IFT74: variants seen among roughly 807,000 people sequenced by gnomAD.
The protein encoded by IFT74 is intraflagellar transport 74.
A neutral mutation model predicts 96.7 loss-of-function variants in IFT74; 92 were observed. That is an observed-to-expected ratio of 0.95 (90% CI 0.80 to 1.13). The LOEUF (loss-of-function observed/expected upper bound fraction) is 1.13. IFT74 is among the 50% of genes most tolerant of loss of function. IFT74 has a pLI of 0.00. For missense variants in IFT74, 811 were observed against 698.2 expected, an observed-to-expected ratio of 1.16 and a Z score of -1.82; for synonymous variants, 223 against 213.2, an observed-to-expected ratio of 1.05 and a Z score of -0.40.
chr9:26,949,805 A>G (rs1825875407), intron 1 of IFT74, among the ~76,000 whole-genome samples: 1 of 152,162 alleles, frequency 6.6e-6, no homozygotes, highest in Non-Finnish European at 1.5e-5. Context: ...GTGTGTCAGA[A>G]CTATCTTCGT....
In IFT74 at chr9:27,061,562, A is replaced by G. The variant is rs140616055; in HGVS notation, c.1684+911A>G. On this transcript the variant is annotated intron_variant, in intron 19 of 19. Transcript: ENST00000380062. The stretch of plus-strand genomic sequence containing the variant: ...AGTGCTGGGATTAGAGACATGAGCC[A>G]CTGCTCTCGGCCCCAGAATTGTATC... Among the ~76,000 whole-genome samples, 358 of 152,020 alleles carry G rather than the reference A, an allele frequency of 2.4e-3. 3 individuals are homozygous for G. Among genetic ancestry groups the G allele is most frequent in the African/African-American group, 8.3e-3 (346 of 41,470 alleles).
At chr9:27,036,673 T>G (rs972363561) in intron 13 of IFT74, 4 of 1,341,216 alleles carry the variant, frequency 3.0e-6, no homozygotes, top group Non-Finnish European at 2.9e-6. Flanking sequence ...TGTTCACTCT[T>G]TGCTTCTGTG....
At chr9:26,971,311 A>G (rs940933985) in intron 2 of IFT74, among the ~76,000 whole-genome samples, 1 of 152,056 alleles carries the variant, frequency 6.6e-6, no homozygotes, top group African/African-American at 2.4e-5. Flanking sequence ...TTTTTTTTAT[A>G]TATTAAGCAA....
intron 10 of IFT74, among the ~76,000 whole-genome samples, chr9:27,012,708 G>GTGTTTT (rs1829144413): frequency 9.3e-5 from 5 of 53,866 alleles, no homozygotes; most frequent in African/African-American, 4.1e-4. Context: ...AAAAATGTCT[G>GTGTTTT]TTTTTTTTTT....
At chr9:27,019,565 A>T (rs1190545842) in intron 12 of IFT74, among the ~76,000 whole-genome samples, 1 of 151,518 alleles carries the variant, frequency 6.6e-6, no homozygotes, top group African/African-American at 2.4e-5. Context: ...AATTAATAAA[A>T]TACTAAGCAT....
chr9:26,976,576 A>G (rs535784240), intron 2 of IFT74: 8 of 355,134 alleles, frequency 2.3e-5, no homozygotes, highest in East Asian at 1.5e-4. Flanking sequence ...GGGGTCATCT[A>G]CAGAGGACTA....
intron 1 of IFT74, 41 bp downstream of exon 1, chr9:26,956,557 A>G (rs530408806): frequency 6.6e-6 from 1 of 152,386 alleles, no homozygotes; most frequent in South Asian, 2.1e-4. Flanking sequence ...CCTCCCTCCC[A>G]CGTCTGTTCT....
In IFT74 at chr9:26,984,309, G is replaced by T. The variant is rs1391036863; in HGVS notation, c.358G>T (p.Glu120Ter). The T allele has an allele frequency of 3.8e-6, 6 of 1,582,776 alleles. No individual in the cohort carries two copies. The highest frequency in any genetic ancestry group is 3.7e-5 in the Admixed American group (2 of 54,524). Residue 120 changes from glutamate (E) to a stop codon, truncating the protein, a stop_gained, in exon 5 of 20, where the codon GAA (glutamate) becomes TAA (stop). Coordinates refer to ENST00000380062, the MANE Select transcript of IFT74 (RefSeq NM_025103.4). LOFTEE classifies it high-confidence loss of function. ...TEVNKLQKGI[E>*]MYNQENSVYL... Reference sequence around the variant, plus strand: ...AGTTAATAAACTTCAGAAGGGAATAGAAATGTACAATCAAGAGAATTCAGT... The same window carrying T: ...AGTTAATAAACTTCAGAAGGGAATATAAATGTACAATCAAGAGAATTCAGT...
intron 3 of IFT74, among the ~76,000 whole-genome samples, chr9:26,980,003 C>T (rs1157989400): frequency 6.6e-6 from 1 of 152,096 alleles, no homozygotes; most frequent in Non-Finnish European, 1.5e-5. Context: ...GTGTGAGCCA[C>T]CGTGCCCGGC....
intron 16 of IFT74, among the ~76,000 whole-genome samples, chr9:27,055,226 A>AAT (rs201976204): frequency 0.019 from 2,853 of 152,174 alleles, 89 homozygotes; most frequent in African/African-American, 0.064. Flanking sequence ...ATTGTGCTCA[A>AAT]ATATATATAT....
intron 8 of IFT74, among the ~76,000 whole-genome samples, chr9:26,997,238 T>C (rs1429610221): frequency 1.3e-5 from 2 of 151,972 alleles, no homozygotes; most frequent in Non-Finnish European, 2.9e-5. Context: ...TTCTTAATTT[T>C]TCCCCCTGGT....
chr9:27,029,608 C>A (rs571695853), intron 13 of IFT74, among the ~76,000 whole-genome samples: 3 of 151,822 alleles, frequency 2.0e-5, no homozygotes, highest in African/African-American at 4.8e-5. Context: ...ATTAGCCGGG[C>A]GTGGTGGCAC....
chr9:27,030,547 C>CAAAAAAA (rs60150925), intron 13 of IFT74, among the ~76,000 whole-genome samples: 1 of 115,472 alleles, frequency 8.7e-6, no homozygotes, highest in African/African-American at 3.3e-5. Context: ...GACTCCGTCT[C>CAAAAAAA]AAAAAAAAAA....
chr9:27,013,067 T>C (rs1358969004), intron 10 of IFT74, among the ~76,000 whole-genome samples: 1 of 152,178 alleles, frequency 6.6e-6, no homozygotes, highest in Non-Finnish European at 1.5e-5. Flanking sequence ...TGGAAAGACA[T>C]TTATCAAGTG....
chr9:27,042,724 T>G (rs1196574807), intron 13 of IFT74, among the ~76,000 whole-genome samples: 4 of 152,096 alleles, frequency 2.6e-5, no homozygotes, highest in Non-Finnish European at 5.9e-5. Flanking sequence ...GCCTGACCAG[T>G]CTCCCAAGAG....
chr9:27,025,423 A>G (rs138803896), intron 12 of IFT74, among the ~76,000 whole-genome samples: 5,800 of 144,260 alleles, frequency 0.04, 141 homozygotes, highest in Middle Eastern at 0.068. Context: ...ATCCTGGGTG[A>G]CAGAGTGAGA....
At position 27,029,035 on chromosome 9, in the gene IFT74, A is replaced by G. The variant is rs754905959; in HGVS notation, c.985A>G (p.Thr329Ala). 5.6e-6 allele frequency: 9 copies of G among 1,596,750 alleles called. No homozygotes were observed. In the East Asian group the frequency reaches 2.0e-4, roughly 36 times the overall value. Residue 329 changes from threonine to alanine, a missense_variant, in exon 13 of 20, where the codon ACA (threonine) becomes GCA (alanine). Thr to Ala is a moderately conservative substitution (Grantham distance 58). Transcript: ENST00000380062. Reference sequence around the variant, plus strand: ...AAATATTTTCAACAGGTTAACAGATACAAAAGAAAAGATAAATCAGTTTAT... The same window carrying G: ...AAATATTTTCAACAGGTTAACAGATGCAAAAGAAAAGATAAATCAGTTTAT... ...IASMERQLTD[T>A]KEKINQFIEE... is the part of the protein sequence containing the mutation.
At chr9:27,022,922 G>A (rs1829683055) in intron 12 of IFT74, among the ~76,000 whole-genome samples, 1 of 152,090 alleles carries the variant, frequency 6.6e-6, no homozygotes, top group African/African-American at 2.4e-5. Flanking sequence ...ACAGGCATGA[G>A]CCACCGCGCC....
At chr9:27,008,524 A>T (rs1828895551) in intron 8 of IFT74, among the ~76,000 whole-genome samples, 1 of 151,932 alleles carries the variant, frequency 6.6e-6, no homozygotes, top group African/African-American at 2.4e-5. Flanking sequence ...ACGTGTGGCT[A>T]ATTTTTGTAC....
Sources: gnomAD v4.1 joint callset for allele counts (sites outside exome capture counted in the v4.1 genomes callset) on GRCh38, gnomAD v4.1.1 for gene constraint, MANE v1.5 for transcripts, NCBI Gene and HGNC (gene_info 2026-07-23, HGNC 2026-07-21) for gene names.